Variants in ZNF276 observed in about 807,000 individuals in gnomAD.
ZNF276 encodes zinc finger protein 276, also known as centromere protein Z.
A neutral mutation model predicts 63.9 loss-of-function variants in ZNF276; 59 were observed. The ratio of observed to expected loss-of-function variants is 0.92; its 90% CI spans 0.75 to 1.15. The LOEUF (loss-of-function observed/expected upper bound fraction) is 1.15. Among genes scored for constraint, ZNF276 ranks in the 50% most tolerant of loss-of-function variants. The probability of loss-of-function intolerance (pLI) is 0.00; values close to 1 mark genes in which losing one functional copy is unlikely to be tolerated. For synonymous variants in ZNF276, 496 were observed against 348.4 expected, an observed-to-expected ratio of 1.42 and a Z score of -4.72; for missense variants, 1,084 against 843.8, an observed-to-expected ratio of 1.28 and a Z score of -3.53.
At chr16:89,721,976 G>A in intron 1 of ZNF276, 131 bp downstream of exon 1, 2 of 642,364 alleles carry the variant, frequency 3.1e-6, no homozygotes, top group Non-Finnish European at 4.3e-6. Context: ...ACTCGGGGCT[G>A]CGTCGGGATA....
chr16:89,721,315 G>T (rs1029817275), upstream of ZNF276: 17 of 275,582 alleles, frequency 6.2e-5, no homozygotes, highest in Middle Eastern at 6.2e-3. Context: ...CTCCCTGGAG[G>T]ACTCGTCGTG....
At chr16:89,734,094 CT>C (rs2061768902) in intron 9 of ZNF276, 56 bp downstream of exon 9, 2 of 1,535,526 alleles carry the variant, frequency 1.3e-6, no homozygotes, top group Non-Finnish European at 1.8e-6. Flanking sequence ...ACGTGACCTG[CT>C]TTCCAGTCTT....
rs764049034 is a variant in ZNF276, at chr16:89,737,756, G to C, written c.1475-50G>C. On this transcript the variant is annotated intron_variant, in intron 9 of 10. Coordinates refer to ENST00000443381, the MANE Select transcript of ZNF276 (RefSeq NM_001113525.2). Reference sequence around the variant, plus strand: ...TTCACATTGTCATCGTCGTCCCCCCGGGAGGTTGGAGCATCAGGGGCCTGG... The same window carrying C: ...TTCACATTGTCATCGTCGTCCCCCCCGGAGGTTGGAGCATCAGGGGCCTGG... 6.2e-6 allele frequency: 10 copies of C among 1,610,418 alleles called. No homozygotes were observed. In the African/African-American group the frequency reaches 1.1e-4, roughly 17 times the overall value.
At position 89,738,673 on chromosome 16, in the gene ZNF276, C is replaced by T. The variant is rs2151709848; in HGVS notation, c.*427C>T. 1 of 1,613,862 alleles carries T rather than the reference C, an allele frequency of 6.2e-7. No individual in the cohort carries two copies. Among genetic ancestry groups the T allele is most frequent in the Non-Finnish European group, 8.5e-7 (1 of 1,180,028 alleles). On this transcript the variant is annotated 3_prime_UTR_variant, in exon 11 of 11. Coordinates refer to ENST00000443381, the MANE Select transcript of ZNF276 (RefSeq NM_001113525.2). Reference sequence around the variant, plus strand: ...GCTGTCTGCTCTGGAGGGCGGCGCTCACCTCTGGGTCGCAGTCCCCACGAT... The same window carrying T: ...GCTGTCTGCTCTGGAGGGCGGCGCTTACCTCTGGGTCGCAGTCCCCACGAT...
At chr16:89,736,318 T>G (rs2061884295) in intron 9 of ZNF276, among the ~76,000 whole-genome samples, 1 of 149,400 alleles carries the variant, frequency 6.7e-6, no homozygotes. Flanking sequence ...TGAGCCACCG[T>G]GCCCAGCCCC....
chr16:89,723,056 G>A, intron 2 of ZNF276, 81 bp from the exon 3 acceptor site: 2 of 1,610,922 alleles, frequency 1.2e-6, no homozygotes, highest in Admixed American at 3.3e-5. Context: ...TGAGGTTTGA[G>A]ATCTCGAGAG....
At chr16:89,723,055 A>C in intron 2 of ZNF276, 82 bp from the exon 3 acceptor site, 1 of 1,610,668 alleles carries the variant, frequency 6.2e-7, no homozygotes, top group South Asian at 1.1e-5. Flanking sequence ...CTGAGGTTTG[A>C]GATCTCGAGA....
rs1413873008 is a variant in ZNF276, at chr16:89,729,312, A to G, written c.1163A>G (p.Glu388Gly). ...GACGAGTCCTTTGAGCCTTACCCAG[A>G]AAGGAAGTAAGTGGGCAGCCCGGGG... ...SSDESFEPYP[E>G]RKVSGKKSES... Residue 388 changes from glutamate to glycine, a missense_variant, in exon 6 of 11, where the codon GAA (glutamate) becomes GGA (glycine). By Grantham distance (98) the Glu-to-Gly change is moderately conservative. Coordinates refer to ENST00000443381, the MANE Select transcript of ZNF276 (RefSeq NM_001113525.2). 6 of 1,614,064 alleles carry G rather than the reference A, an allele frequency of 3.7e-6. No individual in the cohort carries two copies. Among genetic ancestry groups the G allele is most frequent in the Admixed American group, 3.3e-5 (2 of 60,022 alleles).
Position 89,722,611 on chromosome 16 carries a change from G to A in ZNF276, c.286G>A (p.Glu96Lys). The change falls in exon 2 of 11, where the codon GAG (glutamate) becomes AAG (lysine). Residue 96 changes from glutamate (E) to lysine (K), a missense_variant. Glu to Lys is a moderately conservative substitution (Grantham distance 56). Transcript: ENST00000443381. The stretch of plus-strand genomic sequence containing the variant: ...CTCGAGAAGCCTGCGCAGCATCTCC[G>A]AGAGGGCGCCTGGAGCGAGCATGGA... Reference protein sequence around the residue: ...FSSRSLRSISERAPGASMERP... With the variant: ...FSSRSLRSISKRAPGASMERP... 2.5e-6 allele frequency: 4 copies of A among 1,612,088 alleles called. No homozygotes were observed. Among genetic ancestry groups the A allele is most frequent in the East Asian group, 4.5e-5 (2 of 44,878 alleles).
rs556919856 is a variant in ZNF276, at chr16:89,740,792, G to C, written c.*2546G>C. ...TGGGAGAGGACACCTTGGCTGGTAA[G>C]GTCTGACTTACATTTGAGGTCAGAT... On this transcript the variant is annotated 3_prime_UTR_variant, in exon 11 of 11. Coordinates refer to ENST00000443381, the MANE Select transcript of ZNF276 (RefSeq NM_001113525.2). 2.9e-5 allele frequency: 46 copies of C among 1,612,296 alleles called. No homozygotes were observed. The South Asian group carries it at 4.8e-4, about 17-fold the overall frequency.
At chr16:89,725,772 CAG>C (rs1353904781) in intron 4 of ZNF276, among the ~76,000 whole-genome samples, 1 of 152,100 alleles carries the variant, frequency 6.6e-6, no homozygotes, top group African/African-American at 2.4e-5. Flanking sequence ...GCCTGACCGA[CAG>C]AGCAAGATTC....
In ZNF276 at chr16:89,739,416, G is replaced by A. The variant is rs955687843; in HGVS notation, c.*1170G>A. ...CCTTCCCATCTGGCGGGACCCAGAG[G>A]TGCTGAGATGGGGGTCTGGGAAACA... is the stretch of plus-strand genomic sequence containing the variant. On this transcript the variant is annotated 3_prime_UTR_variant, in exon 11 of 11. Transcript: ENST00000443381. The A allele has an allele frequency of 6.4e-6, 10 of 1,554,974 alleles. No individual in the cohort carries two copies. In the African/African-American group the frequency reaches 1.4e-4, roughly 21 times the overall value.
chr16:89,722,534 C>G lies in ZNF276; in HGVS notation c.209C>G (p.Ala70Gly), dbSNP rs146935234. The change falls in exon 2 of 11, where the codon GCA becomes GGA. Residue 70 changes from alanine to glycine, a missense_variant. Physicochemically the swap from Ala to Gly is moderately conservative, Grantham distance 60. Coordinates refer to ENST00000443381, the MANE Select transcript of ZNF276 (RefSeq NM_001113525.2). ...AGEDGADEAG[A>G]GRALAMGHCR... ...CACTTCCTGCCGCTCTGTGCAGGAG[C>G]AGGCCGGGCTCTCGCCATGGGTCAC... is the stretch of plus-strand genomic sequence containing the variant. 3.5e-4 allele frequency: 559 copies of G among 1,610,514 alleles called. 2 individuals are homozygous for G. In the African/African-American group the frequency reaches 6.5e-3, roughly 19 times the overall value.
In ZNF276 at chr16:89,737,968, T is replaced by C; in HGVS notation, c.1575-8T>C. On this transcript the variant is annotated splice_region_variant and splice_polypyrimidine_tract_variant and intron_variant, in intron 10 of 10. Coordinates refer to ENST00000443381, the MANE Select transcript of ZNF276 (RefSeq NM_001113525.2). ...CCTCGCACCTTCTTATCTGCCTCTG[T>C]CCCCCAGGTGTGAGGTCTGTGGGTT... The C allele has an allele frequency of 6.2e-7, 1 of 1,614,042 alleles. No individual in the cohort carries two copies. Among genetic ancestry groups the C allele is most frequent in the South Asian group, 1.1e-5 (1 of 91,074 alleles).
At position 89,740,825 on chromosome 16, in the gene ZNF276, C is replaced by A. The variant is rs11649210; in HGVS notation, c.*2579C>A. ...TTACATTTGAGGTCAGATGTGACGA[C>A]AGCAGGCCCATCAAGGAGAAGAAGA... On this transcript the variant is annotated 3_prime_UTR_variant, in exon 11 of 11. Transcript: ENST00000443381. 6.2e-7 allele frequency: 1 copy of A among 1,613,324 alleles called. No homozygotes were observed. The highest frequency in any genetic ancestry group is 1.3e-5 in the African/African-American group (1 of 74,872).
At chr16:89,735,569 T>C (rs1456391066) in intron 9 of ZNF276, among the ~76,000 whole-genome samples, 1 of 152,054 alleles carries the variant, frequency 6.6e-6, no homozygotes, top group Non-Finnish European at 1.5e-5. Flanking sequence ...CAACCAGCAG[T>C]TCCTTAAAAA....
chr16:89,722,647 G>C lies in ZNF276; in HGVS notation c.322G>C (p.Ala108Pro). ...TGGAGCGAGCATGGAGAGGCCATCC[G>C]CAGAGGAGCGCGTGCTCGTACGGGA... Reference protein sequence around the residue: ...APGASMERPSAEERVLVRDFQ... With the variant: ...APGASMERPSPEERVLVRDFQ... Residue 108 changes from alanine to proline, a missense_variant, in exon 2 of 11, where the codon GCA (alanine) becomes CCA (proline). Coordinates refer to ENST00000443381, the MANE Select transcript of ZNF276 (RefSeq NM_001113525.2). The C allele has an allele frequency of 6.2e-7, 1 of 1,612,094 alleles. No individual in the cohort carries two copies. The highest frequency in any genetic ancestry group is 8.5e-7 in the Non-Finnish European group (1 of 1,180,018).
At position 89,738,058 on chromosome 16, in the gene ZNF276, G is replaced by C. The variant is rs1453866671; in HGVS notation, c.1657G>C (p.Asp553His). 6.8e-6 allele frequency: 11 copies of C among 1,614,116 alleles called. No individual in the cohort carries two copies. Among genetic ancestry groups the C allele is most frequent in the South Asian group, 5.5e-5 (5 of 91,084 alleles). Residue 553 changes from aspartate to histidine, a missense_variant, in exon 11 of 11, where the codon GAC becomes CAC. Coordinates refer to ENST00000443381, the MANE Select transcript of ZNF276 (RefSeq NM_001113525.2). ...CAAACACAAGGCTGAGACTGAGCTGGACTTTGCCTGTGACCAGTGTGGCCG... is the reference window on the plus strand; with the variant it reads ...CAAACACAAGGCTGAGACTGAGCTGCACTTTGCCTGTGACCAGTGTGGCCG... The part of the protein sequence containing the change: ...MTKHKAETEL[D>H]FACDQCGRRF...
In ZNF276 at chr16:89,722,681, G is replaced by T; in HGVS notation, c.356G>T (p.Arg119Leu). 1 of 1,612,322 alleles carries T rather than the reference G, an allele frequency of 6.2e-7. No homozygotes were observed. ...EERVLVRDFQ[R>L]LLGVAVRQDP... ...CGCGTGCTCGTACGGGACTTCCAGC[G>T]CCTGCTTGGTGTGGCTGTCCGCCAG... The change falls in exon 2 of 11, where the codon CGC becomes CTC. Residue 119 changes from arginine to leucine, a missense_variant. By Grantham distance (102) the Arg-to-Leu change is moderately radical (BLOSUM62 -2). Coordinates refer to ENST00000443381, the MANE Select transcript of ZNF276 (RefSeq NM_001113525.2).
Sources: allele counts gnomAD v4.1 joint callset (sites outside exome capture counted in the v4.1 genomes callset), GRCh38; gene constraint gnomAD v4.1.1; transcripts MANE v1.5; gene names NCBI Gene and HGNC (gene_info 2026-07-23, HGNC 2026-07-21).